Variants in DOK6 observed in about 807,000 individuals in gnomAD.
DOK6 encodes the protein docking protein 6.
In DOK6, 22 loss-of-function variants were observed where a neutral mutation model predicts 44.0. That is an observed-to-expected ratio of 0.50 (90% CI 0.36 to 0.71). DOK6 has a LOEUF of 0.71. Among genes scored for constraint, DOK6 ranks in the 30% least tolerant of loss-of-function variants. The pLI, the probability that DOK6 is intolerant of heterozygous loss-of-function variation, is 0.00. For missense variants in DOK6, 340 were observed against 416.4 expected, an observed-to-expected ratio of 0.82 and a Z score of 1.60; for synonymous variants, 166 against 145.5, an observed-to-expected ratio of 1.14 and a Z score of -1.01.
chr18:69,736,902 T>C (rs1168966798), intron 5 of DOK6, among the ~76,000 whole-genome samples: 1 of 152,184 alleles, frequency 6.6e-6, no homozygotes, highest in African/African-American at 2.4e-5. Flanking sequence ...GTGAGTCACC[T>C]TGGGGTGTGT....
At chr18:69,839,278 T>C (rs1392039056) in intron 7 of DOK6, among the ~76,000 whole-genome samples, 2 of 126,538 alleles carry the variant, frequency 1.6e-5, no homozygotes, top group African/African-American at 3.1e-5. Context: ...CTCCCCTAAC[T>C]CCTCCCTAGC....
intron 2 of DOK6, among the ~76,000 whole-genome samples, chr18:69,590,702 T>C (rs1394785029): frequency 1.3e-5 from 2 of 152,102 alleles, no homozygotes; most frequent in African/African-American, 4.8e-5. Context: ...AATATTAGTC[T>C]GAAAACAGTG....
At chr18:69,496,691 G>A (rs1980901461) in intron 1 of DOK6, among the ~76,000 whole-genome samples, 1 of 152,080 alleles carries the variant, frequency 6.6e-6, no homozygotes, top group Non-Finnish European at 1.5e-5. Context: ...ATAATGGGTA[G>A]GGTGATTTTT....
intron 1 of DOK6, among the ~76,000 whole-genome samples, chr18:69,461,747 A>G (rs949807215): frequency 1.3e-5 from 2 of 152,106 alleles, no homozygotes; most frequent in African/African-American, 4.8e-5. Context: ...TGCTAAGCAA[A>G]TTTTTGAAGT....
chr18:69,656,882 C>A (rs2144667952), intron 3 of DOK6, among the ~76,000 whole-genome samples: 1 of 152,248 alleles, frequency 6.6e-6, no homozygotes, highest in Non-Finnish European at 1.5e-5. Flanking sequence ...AGGTTGCACT[C>A]CAGATCTTCT....
intron 1 of DOK6, among the ~76,000 whole-genome samples, chr18:69,405,180 C>T (rs766046088): frequency 5.3e-5 from 8 of 152,156 alleles, no homozygotes; most frequent in East Asian, 3.9e-4. Flanking sequence ...CCTTAAGACA[C>T]CTCCATTCCT....
chr18:69,403,406 C>T (rs1276046015), intron 1 of DOK6, among the ~76,000 whole-genome samples: 1 of 152,204 alleles, frequency 6.6e-6, no homozygotes, highest in Non-Finnish European at 1.5e-5. Flanking sequence ...AACGCCATTT[C>T]TGCCTAACGA....
chr18:69,752,104 CA>C (rs1979201848), intron 6 of DOK6, among the ~76,000 whole-genome samples: 1 of 151,584 alleles, frequency 6.6e-6, no homozygotes, highest in Non-Finnish European at 1.5e-5. Context: ...AGCACAAGCA[CA>C]AAATATAAGA....
At chr18:69,745,275 A>C (rs1485915468) in intron 6 of DOK6, among the ~76,000 whole-genome samples, 1 of 152,222 alleles carries the variant, frequency 6.6e-6, no homozygotes, top group East Asian at 1.9e-4. Context: ...GTGTTTAAAA[A>C]AATACAGTTT....
intron 1 of DOK6, among the ~76,000 whole-genome samples, chr18:69,540,948 T>C (rs898372595): frequency 2.0e-5 from 3 of 152,210 alleles, no homozygotes; most frequent in Non-Finnish European, 4.4e-5. Context: ...GTTTTCCTCA[T>C]TGGCAGAAAT....
intron 2 of DOK6, among the ~76,000 whole-genome samples, chr18:69,574,590 GCA>G (rs1983193905): frequency 6.6e-6 from 1 of 152,010 alleles, no homozygotes; most frequent in South Asian, 2.1e-4. Flanking sequence ...AAGCTACATT[GCA>G]CAATGATTTG....
chr18:69,631,263 T>C (rs1199730065), intron 3 of DOK6, among the ~76,000 whole-genome samples: 1 of 152,172 alleles, frequency 6.6e-6, no homozygotes, highest in Non-Finnish European at 1.5e-5. Flanking sequence ...ACAACTCCAT[T>C]AGGGATTTGG....
rs577683011 is a variant in DOK6, at chr18:69,489,410, G to A, written c.67-75077G>A. Reference sequence around the variant, plus strand: ...GGGCCAGGGCAGGGAGGGTAAGCCCGTTTCCATAGTGCTGTGTACTTGCAG... The same window carrying A: ...GGGCCAGGGCAGGGAGGGTAAGCCCATTTCCATAGTGCTGTGTACTTGCAG... On this transcript the variant is annotated intron_variant, in intron 1 of 7. Coordinates refer to ENST00000382713, the MANE Select transcript of DOK6 (RefSeq NM_152721.6). 4.1e-4 allele frequency among the ~76,000 whole-genome samples: 63 copies of A among 152,234 alleles called. 1 individual carries two copies. The highest frequency in any genetic ancestry group is 2.2e-3 in the Admixed American group (34 of 15,296).
intron 7 of DOK6, among the ~76,000 whole-genome samples, chr18:69,796,647 A>G (rs904263899): frequency 6.6e-6 from 1 of 152,218 alleles, no homozygotes; most frequent in Non-Finnish European, 1.5e-5. Flanking sequence ...GTCACTGGCA[A>G]TGCCCCATCA....
At chr18:69,662,125 G>A (rs1235428661) in intron 3 of DOK6, 1 of 152,164 alleles carries the variant, frequency 6.6e-6, no homozygotes, top group African/African-American at 2.4e-5. Flanking sequence ...GATTACAGGT[G>A]CCTGCCACCA....
chr18:69,418,500 A>G (rs1978398998), intron 1 of DOK6, among the ~76,000 whole-genome samples: 1 of 152,146 alleles, frequency 6.6e-6, no homozygotes, highest in African/African-American at 2.4e-5. Flanking sequence ...TTGCTCTGTC[A>G]TCCAGGCTGG....
intron 7 of DOK6, among the ~76,000 whole-genome samples, chr18:69,784,009 AC>A (rs2145091975): frequency 6.6e-6 from 1 of 152,172 alleles, no homozygotes; most frequent in Admixed American, 6.5e-5. Context: ...ACCTGGGTAA[AC>A]CCCATCTCTA....
At chr18:69,600,181 T>A (rs2144622674) in intron 3 of DOK6, among the ~76,000 whole-genome samples, 1 of 149,644 alleles carries the variant, frequency 6.7e-6, no homozygotes, top group East Asian at 2.0e-4. Context: ...AGATGTGAAC[T>A]TAAACTAATG....
intron 1 of DOK6, among the ~76,000 whole-genome samples, chr18:69,483,304 A>C (rs542581416): frequency 1.3e-5 from 2 of 152,160 alleles, no homozygotes; most frequent in South Asian, 2.1e-4. Context: ...CAATGTGCAC[A>C]AATTACTAGT....
Sources: allele counts gnomAD v4.1 joint callset (sites outside exome capture counted in the v4.1 genomes callset), GRCh38; gene constraint gnomAD v4.1.1; transcripts MANE v1.5; gene names NCBI Gene and HGNC (gene_info 2026-07-23, HGNC 2026-07-21).